The following PPM1H variants were observed in gnomAD, a reference collection of about 807,000 sequenced individuals.
The protein encoded by PPM1H is protein phosphatase 1H.
In PPM1H, 27 loss-of-function variants were observed where a neutral mutation model predicts 54.9. The observed-to-expected ratio is 0.49, with a 90% confidence interval of 0.36 to 0.68. The LOEUF (loss-of-function observed/expected upper bound fraction) is 0.68, where lower values mean the gene tolerates loss of function less well. Among genes scored for constraint, PPM1H ranks in the 30% least tolerant of loss-of-function variants. PPM1H has a pLI of 0.00. For missense variants in PPM1H, 596 were observed against 667.8 expected (o/e 0.89, Z 1.19); for synonymous variants, 305 against 270.8 (o/e 1.13, Z -1.24).
chr12:62,787,123 T>C (rs1255434938), intron 4 of PPM1H, among the ~76,000 whole-genome samples: 1 of 152,080 alleles, frequency 6.6e-6, no homozygotes, highest in African/African-American at 2.4e-5. Flanking sequence ...GCTTTGTAAA[T>C]GGAAGTAAAA....
intron 5 of PPM1H, among the ~76,000 whole-genome samples, chr12:62,736,673 A>G (rs1029194788): frequency 6.6e-6 from 1 of 152,214 alleles, no homozygotes; most frequent in African/African-American, 2.4e-5. Flanking sequence ...CTTTTTGAGT[A>G]GCCTGGATCA....
At chr12:62,813,475 C>T (rs752151046) in intron 2 of PPM1H, among the ~76,000 whole-genome samples, 1 of 152,210 alleles carries the variant, frequency 6.6e-6, no homozygotes, top group Non-Finnish European at 1.5e-5. Flanking sequence ...TCTTCCATGC[C>T]TGTTAGTTTT....
In PPM1H at chr12:62,934,800, C is replaced by G; in HGVS notation, c.-64G>C. 7.2e-7 allele frequency: 1 copy of G among 1,387,462 alleles called. No individual in the cohort carries two copies. The highest frequency in any genetic ancestry group is 9.4e-7 in the Non-Finnish European group (1 of 1,068,152). 85.9% of individuals were successfully genotyped at this position (1,387,462 alleles called of 1,614,324 possible). A position where few individuals can be genotyped will look rare whatever the true frequency, so the allele number is the denominator to read the frequency against. Reference sequence around the variant, plus strand: ...GCGGCGGGGGCCGGGCAAGGCGCAGCGCGGGGCATGCAGGCTGCGGTGGGC... The same window carrying G: ...GCGGCGGGGGCCGGGCAAGGCGCAGGGCGGGGCATGCAGGCTGCGGTGGGC... On this transcript the variant is annotated 5_prime_UTR_variant, in exon 1 of 10. Transcript: ENST00000228705. This position sits in a 1 kb window ranked among gnomAD's most constrained non-coding sequence, Gnocchi z 4.2.
intron 5 of PPM1H, 54 bp downstream of exon 5, chr12:62,737,448 C>A: frequency 7.7e-7 from 1 of 1,294,800 alleles, no homozygotes; most frequent in Non-Finnish European, 1.1e-6. Flanking sequence ...TCCAGAACAG[C>A]TCCGATGCCA....
At chr12:62,760,318 C>T (rs972896910) in intron 4 of PPM1H, among the ~76,000 whole-genome samples, 4 of 152,128 alleles carry the variant, frequency 2.6e-5, no homozygotes, top group Non-Finnish European at 4.4e-5. Flanking sequence ...TCTTTCCCTC[C>T]CACCTGTCCC....
At chr12:62,807,864 G>T (rs1052795712) in intron 2 of PPM1H, among the ~76,000 whole-genome samples, 12 of 152,170 alleles carry the variant, frequency 7.9e-5, no homozygotes, top group African/African-American at 2.7e-4. Flanking sequence ...ATGAGACAAG[G>T]TCTTGCTCTG....
At chr12:62,804,676 C>CTTTTTTTTTTTTTT (rs759291510) in intron 2 of PPM1H, among the ~76,000 whole-genome samples, 1 of 116,194 alleles carries the variant, frequency 8.6e-6, no homozygotes, top group Non-Finnish European at 1.8e-5. Flanking sequence ...CTTTTTTTTT[C>CTTTTTTTTTTTTTT]TTTTTTTTTT....
At chr12:62,881,506 G>T (rs569229460) in intron 1 of PPM1H, among the ~76,000 whole-genome samples, 82 of 152,210 alleles carry the variant, frequency 5.4e-4, no homozygotes, top group Non-Finnish European at 1.0e-3. Flanking sequence ...AAAAAGAATT[G>T]CTTCCTACCT....
Position 62,825,923 on chromosome 12 carries a change from A to C in PPM1H, c.411+6191T>G, listed in dbSNP as rs911221739. On this transcript the variant is annotated intron_variant, in intron 2 of 9. Coordinates refer to ENST00000228705, the MANE Select transcript of PPM1H (RefSeq NM_020700.2). The stretch of plus-strand genomic sequence containing the variant: ...AAATGCCAAATTACCACCAATTACA[A>C]TTAAAAAAAAAGAGCTCAAACACAG... 8.5e-5 allele frequency among the ~76,000 whole-genome samples: 13 copies of C among 152,072 alleles called. 1 individual carries two copies. The highest frequency in any genetic ancestry group is 7.9e-4 in the Admixed American group (12 of 15,264).
At chr12:62,674,125 C>A (rs2075973028) in intron 8 of PPM1H, among the ~76,000 whole-genome samples, 1 of 152,088 alleles carries the variant, frequency 6.6e-6, no homozygotes, top group Non-Finnish European at 1.5e-5. Flanking sequence ...TAATTAAGAT[C>A]AAATAATGTG....
chr12:62,786,263 C>T (rs936438976), intron 4 of PPM1H, among the ~76,000 whole-genome samples: 3 of 152,240 alleles, frequency 2.0e-5, no homozygotes, highest in African/African-American at 7.2e-5. Flanking sequence ...GGGCTGGCCA[C>T]TCAGTGTGTT....
At chr12:62,917,327 A>T (rs1445035777) in intron 1 of PPM1H, among the ~76,000 whole-genome samples, 1 of 152,224 alleles carries the variant, frequency 6.6e-6, no homozygotes, top group East Asian at 1.9e-4. Flanking sequence ...CCACCTACAG[A>T]CAACTTGGGG....
At chr12:62,888,228 C>T (rs956493550) in intron 1 of PPM1H, among the ~76,000 whole-genome samples, 1 of 151,956 alleles carries the variant, frequency 6.6e-6, no homozygotes, top group Non-Finnish European at 1.5e-5. Context: ...GATGGTGGCA[C>T]CATTTGCTGA....
rs568023054 is a variant in PPM1H, at chr12:62,759,043, C to T, written c.870-21457G>A. ...ACTGCCCGCAAAACATTGCTCCTAA[C>T]TCCACTGCCTATCCCAAAACCTTTA... On this transcript the variant is annotated intron_variant, in intron 4 of 9. Coordinates refer to ENST00000228705, the MANE Select transcript of PPM1H (RefSeq NM_020700.2). Among the ~76,000 whole-genome samples the T allele has an allele frequency of 2.6e-5, 4 of 152,344 alleles. No individual in the cohort carries two copies. The East Asian group carries it at 7.7e-4, about 29-fold the overall frequency.
At chr12:62,734,225 C>A (rs1190754347) in intron 5 of PPM1H, among the ~76,000 whole-genome samples, 6 of 151,668 alleles carry the variant, frequency 4.0e-5, no homozygotes, top group African/African-American at 1.5e-4. Context: ...TCTACCAGCA[C>A]CTTGATGTTG....
chr12:62,763,283 G>A (rs1293852501), intron 4 of PPM1H, among the ~76,000 whole-genome samples: 1 of 152,218 alleles, frequency 6.6e-6, no homozygotes. Context: ...TGGACTGGCT[G>A]TTGAGCCCCT....
intron 6 of PPM1H, among the ~76,000 whole-genome samples, chr12:62,698,560 G>A (rs2076126093): frequency 6.6e-6 from 1 of 151,956 alleles, no homozygotes; most frequent in Admixed American, 6.6e-5. Flanking sequence ...GGCCCTCTAG[G>A]GTCTTTCTGG....
intron 2 of PPM1H, among the ~76,000 whole-genome samples, chr12:62,826,924 T>C (rs1565801095): frequency 6.6e-6 from 1 of 152,190 alleles, no homozygotes; most frequent in Non-Finnish European, 1.5e-5. Context: ...TTCTTATCAC[T>C]GTGTGGCCCA....
At position 62,879,468 on chromosome 12, in the gene PPM1H, C is replaced by T. The variant is rs148701687; in HGVS notation, c.246-47189G>A. ...TGAGTTCATGCCCTTTTTAGGGACA[C>T]GGATGAAGCTGGAAACCATCATTCT... On this transcript the variant is annotated intron_variant, in intron 1 of 9. Coordinates refer to ENST00000228705, the MANE Select transcript of PPM1H (RefSeq NM_020700.2). Among the ~76,000 whole-genome samples, 873 of 152,136 alleles carry T rather than the reference C, an allele frequency of 5.7e-3. 8 individuals are homozygous for T. Among genetic ancestry groups the T allele is most frequent in the South Asian group, 0.033 (157 of 4,812 alleles).
Sources: gnomAD v4.1 joint callset for allele counts (sites outside exome capture counted in the v4.1 genomes callset) on GRCh38, gnomAD v4.1.1 for gene constraint, Gnocchi (gnomAD v3.1) non-coding constraint, MANE v1.5 for transcripts, NCBI Gene and HGNC (gene_info 2026-07-23, HGNC 2026-07-21) for gene names.